Variants in TRIQK observed in about 807,000 individuals in gnomAD.
TRIQK encodes triple QxxK/R motif containing, also known as triple QxxK/R motif-containing protein.
TRIQK carries 10 observed loss-of-function variants against 10.8 expected under a neutral mutation model. The ratio of observed to expected loss-of-function variants is 0.92; its 90% CI spans 0.57 to 1.57. TRIQK has a LOEUF of 1.57. Among genes scored for constraint, TRIQK ranks in the 40% most tolerant of loss-of-function variants. TRIQK has a pLI of 0.00. For missense variants in TRIQK, 107 were observed against 97.7 expected, an observed-to-expected ratio of 1.09 and a Z score of -0.40; for synonymous variants, 33 against 33.7, an observed-to-expected ratio of 0.98 and a Z score of 0.07.
rs1042545228 is a variant in TRIQK, at chr8:92,883,875, G to C, written c.*2747C>G. 2 of 151,644 alleles carry C rather than the reference G, an allele frequency of 1.3e-5. No individual in the cohort carries two copies. The highest frequency in any genetic ancestry group is 4.8e-5 in the African/African-American group (2 of 41,332). 9.4% of individuals were successfully genotyped at this position (151,644 alleles called of 1,614,324 possible). A position where few individuals can be genotyped will look rare whatever the true frequency, so the allele number is the denominator to read the frequency against. On this transcript the variant is annotated 3_prime_UTR_variant, in exon 5 of 5. Coordinates refer to ENST00000521988, the MANE Select transcript of TRIQK (RefSeq NM_001171797.2). ...TTTGCTTGTTTTAAAAGCAATTCTA[G>C]ATGAGGTTATATTTTTACAATACTG...
At chr8:92,908,308 A>C (rs1809388398) in intron 3 of TRIQK, among the ~76,000 whole-genome samples, 1 of 152,168 alleles carries the variant, frequency 6.6e-6, no homozygotes, top group African/African-American at 2.4e-5. Flanking sequence ...ATCATGTGGC[A>C]GTACTGCTCT....
intron 3 of TRIQK, among the ~76,000 whole-genome samples, chr8:92,899,821 C>G (rs1019888066): frequency 6.6e-6 from 1 of 152,088 alleles, no homozygotes; most frequent in African/African-American, 2.4e-5. Context: ...TTTGGGGGAA[C>G]CTCCAAACCG....
chr8:92,957,365 CAT>C (rs954458582), intron 1 of TRIQK, among the ~76,000 whole-genome samples: 2 of 151,522 alleles, frequency 1.3e-5, no homozygotes, highest in South Asian at 4.2e-4. Flanking sequence ...CATATATACA[CAT>C]ATATATGTGA....
At chr8:92,892,552 G>T (rs1277325306) in intron 3 of TRIQK, among the ~76,000 whole-genome samples, 33 of 151,844 alleles carry the variant, frequency 2.2e-4, no homozygotes, top group Admixed American at 2.1e-3. Context: ...AAAGACTAAA[G>T]AAGAAATCTA....
chr8:92,996,777 T>C (rs1232536605), intron 1 of TRIQK, among the ~76,000 whole-genome samples: 1 of 151,944 alleles, frequency 6.6e-6, no homozygotes, highest in African/African-American at 2.4e-5. Flanking sequence ...TTTTGGGAAG[T>C]TTAATAAGGA....
chr8:92,908,201 G>A (rs1214783945), intron 3 of TRIQK, among the ~76,000 whole-genome samples: 2 of 152,066 alleles, frequency 1.3e-5, no homozygotes, highest in Non-Finnish European at 2.9e-5. Flanking sequence ...ATTATCACGT[G>A]AATATCTGGT....
Position 92,954,543 on chromosome 8 carries a change from A to G in TRIQK, c.-159T>C, listed in dbSNP as rs1163608122. 1 of 151,866 alleles carries G rather than the reference A, an allele frequency of 6.6e-6. No individual in the cohort carries two copies. The highest frequency in any genetic ancestry group is 1.5e-5 in the Non-Finnish European group (1 of 67,864). 9.4% of individuals were successfully genotyped at this position (151,866 alleles called of 1,614,324 possible). On this transcript the variant is annotated 5_prime_UTR_variant, in exon 2 of 5. Transcript: ENST00000521988. ...AATTCAATTCCAAATACCAAAAATAATATTCTTGGTGATTTTTCTTACTGA... is the reference window on the plus strand; with the variant it reads ...AATTCAATTCCAAATACCAAAAATAGTATTCTTGGTGATTTTTCTTACTGA...
chr8:92,940,758 T>C (rs946295763), intron 2 of TRIQK, among the ~76,000 whole-genome samples: 3 of 152,158 alleles, frequency 2.0e-5, no homozygotes, highest in Middle Eastern at 3.2e-3. Context: ...GAATTTAGGC[T>C]GCACTCTAGG....
intron 4 of TRIQK, chr8:92,887,016 A>G: frequency 4.9e-6 from 1 of 203,748 alleles, no homozygotes. Context: ...GTATCATTTT[A>G]ATATATTTTT....
chr8:92,942,454 T>C (rs1432668319), intron 2 of TRIQK, among the ~76,000 whole-genome samples: 1 of 152,138 alleles, frequency 6.6e-6, no homozygotes, highest in Non-Finnish European at 1.5e-5. Flanking sequence ...TGTGGAAAAG[T>C]TGAAAGCTTT....
At position 92,884,419 on chromosome 8, in the gene TRIQK, T is replaced by C. The variant is rs1488256985; in HGVS notation, c.*2203A>G. ...TACTATTTACTAAAATCAGAGAGTT[T>C]AGCCTTTGAAATTTATGGTTCTCTG... is the stretch of plus-strand genomic sequence containing the variant. On this transcript the variant is annotated 3_prime_UTR_variant, in exon 5 of 5. Coordinates refer to ENST00000521988, the MANE Select transcript of TRIQK (RefSeq NM_001171797.2). 5.5e-6 allele frequency: 1 copy of C among 181,700 alleles called. No homozygotes were observed. Among genetic ancestry groups the C allele is most frequent in the Non-Finnish European group, 1.2e-5 (1 of 85,380 alleles). 11.3% of individuals were successfully genotyped at this position (181,700 alleles called of 1,614,324 possible). A position where few individuals can be genotyped will look rare whatever the true frequency, so the allele number is the denominator to read the frequency against.
intron 1 of TRIQK, among the ~76,000 whole-genome samples, chr8:93,016,788 G>A (rs1422239260): frequency 6.6e-6 from 1 of 152,120 alleles, no homozygotes; most frequent in East Asian, 1.9e-4. Flanking sequence ...CAGCAGGTGC[G>A]AAGCCTCAGA....
chr8:92,896,005 G>C (rs1301600137), intron 3 of TRIQK, among the ~76,000 whole-genome samples: 1 of 152,110 alleles, frequency 6.6e-6, no homozygotes, highest in Non-Finnish European at 1.5e-5. Context: ...GGAGAGAAGG[G>C]GACCAGGTGC....
intron 1 of TRIQK, among the ~76,000 whole-genome samples, chr8:92,993,568 G>A (rs1295419341): frequency 6.6e-6 from 1 of 152,178 alleles, no homozygotes; most frequent in Non-Finnish European, 1.5e-5. Context: ...CTCATTTTCA[G>A]TGCTTAGTGA....
chr8:92,930,390 C>CAAAAAAAAAAAAAAAAAAAAAAAAGAAAA (rs1810656141), intron 2 of TRIQK, among the ~76,000 whole-genome samples: 1 of 47,140 alleles, frequency 2.1e-5, no homozygotes, highest in Non-Finnish European at 3.6e-5. Flanking sequence ...ACTAGGTCTC[C>CAAAAAAAAAAAAAAAAAAAAAAAAGAAAA]AAAAAAAAAA....
chr8:92,918,930 C>T (rs1426280736), intron 2 of TRIQK, among the ~76,000 whole-genome samples: 3 of 151,722 alleles, frequency 2.0e-5, no homozygotes, highest in African/African-American at 7.3e-5. Flanking sequence ...TACTTTCATT[C>T]TTCTGCATAT....
At chr8:92,962,346 A>G in intron 1 of TRIQK, among the ~76,000 whole-genome samples, 1 of 152,212 alleles carries the variant, frequency 6.6e-6, no homozygotes, top group East Asian at 1.9e-4. Flanking sequence ...ATGCACAAAG[A>G]TTAAGGAGAA....
At chr8:92,896,818 T>C (rs534460865) in intron 3 of TRIQK, among the ~76,000 whole-genome samples, 4 of 151,952 alleles carry the variant, frequency 2.6e-5, no homozygotes, top group Non-Finnish European at 5.9e-5. Flanking sequence ...TTCTTTTTCT[T>C]TCTTTTTTTT....
chr8:93,001,378 G>T (rs968810730), intron 1 of TRIQK, among the ~76,000 whole-genome samples: 1 of 150,832 alleles, frequency 6.6e-6, no homozygotes, highest in Non-Finnish European at 1.5e-5. Context: ...AGTATATACC[G>T]CCTACAAAAG....
Sources: gnomAD v4.1 joint callset for allele counts (sites outside exome capture counted in the v4.1 genomes callset) on GRCh38, gnomAD v4.1.1 for gene constraint, MANE v1.5 for transcripts, NCBI Gene and HGNC (gene_info 2026-07-23, HGNC 2026-07-21) for gene names.